Variants in RCN2 observed in about 807,000 individuals in gnomAD.
RCN2 encodes the protein reticulocalbin-2.
In RCN2, 23 loss-of-function variants were observed where a neutral mutation model predicts 37.5. The ratio of observed to expected loss-of-function variants is 0.61; its 90% CI spans 0.44 to 0.87. The LOEUF is 0.87. Among genes scored for constraint, RCN2 ranks in the 40% least tolerant of loss-of-function variants. The pLI, the probability that RCN2 is intolerant of heterozygous loss-of-function variation, is 0.00. For missense variants in RCN2, 381 were observed against 390.4 expected, an observed-to-expected ratio of 0.98 and a Z score of 0.20; for synonymous variants, 140 against 144.6, an observed-to-expected ratio of 0.97 and a Z score of 0.23.
intron 4 of RCN2, among the ~76,000 whole-genome samples, chr15:76,946,158 G>A (rs921721308): frequency 1.3e-5 from 2 of 152,182 alleles, no homozygotes; most frequent in African/African-American, 2.4e-5. Flanking sequence ...TTAAGGGAAG[G>A]CAAGAGTCAG....
intron 2 of RCN2, 74 bp downstream of exon 2, chr15:76,932,540 T>C (rs1032936265): frequency 3.0e-6 from 3 of 1,002,652 alleles, no homozygotes; most frequent in Non-Finnish European, 4.6e-6. Context: ...GCTGAATGTA[T>C]AGATTGCTAG....
chr15:76,944,482 T>G (rs894973997), intron 4 of RCN2, among the ~76,000 whole-genome samples: 2 of 151,868 alleles, frequency 1.3e-5, no homozygotes, highest in African/African-American at 2.4e-5. Flanking sequence ...ATTCTTACTG[T>G]TTTTTTTGTA....
Position 76,931,765 on chromosome 15 carries a change from G to C in RCN2, c.-77G>C. The C allele has an allele frequency of 9.0e-7, 1 of 1,113,282 alleles. No individual in the cohort carries two copies. The allele number at this position is 1,113,282 out of a possible 1,614,324, so 69.0% of individuals were successfully genotyped here. ...TCGCACCGCCTCTCTGTAGCCGCCC[G>C]CGGAGCATCGCAGCCGGCCCGGGCC... is the stretch of plus-strand genomic sequence containing the variant. On this transcript the variant is annotated 5_prime_UTR_variant, in exon 1 of 7. Transcript: ENST00000394885.
rs142859413 is a variant in RCN2 at position 76,943,811 on chromosome 15, C to T, written c.501C>T (p.Pro167=). 7.5e-6 allele frequency: 12 copies of T among 1,609,184 alleles called. No individual in the cohort carries two copies. The highest frequency in any genetic ancestry group is 1.7e-5 in the Admixed American group (1 of 59,922). ...RFEKANQDSG[P]GLSLEEFIAF... ...AAAAAGCTAACCAGGATTCAGGTCC[C>T]GGTTTGAGTCTTGAAGAATTTATTG... The change falls in exon 4 of 7, where the codon CCC becomes CCT. Residue 167 remains proline (P), a synonymous_variant. Coordinates refer to ENST00000394885, the MANE Select transcript of RCN2 (RefSeq NM_002902.3).
intron 3 of RCN2, among the ~76,000 whole-genome samples, chr15:76,936,821 AT>A (rs1440122948): frequency 6.6e-6 from 1 of 152,202 alleles, no homozygotes; most frequent in Non-Finnish European, 1.5e-5. Context: ...CATTGTAACC[AT>A]TTTAAAGTGT....
At chr15:76,936,187 A>C (rs1048176420) in intron 3 of RCN2, among the ~76,000 whole-genome samples, 1 of 152,176 alleles carries the variant, frequency 6.6e-6, no homozygotes, top group African/African-American at 2.4e-5. Context: ...TAAAAAAAAA[A>C]AAACTGTGTC....
intron 3 of RCN2, among the ~76,000 whole-genome samples, chr15:76,939,489 G>GT (rs1160488472): frequency 6.6e-6 from 1 of 152,066 alleles, no homozygotes; most frequent in African/African-American, 2.4e-5. Context: ...AGGGGAAAAT[G>GT]TATCTTTTGT....
rs2075221539 is a variant in RCN2, at chr15:76,931,772, A to C, written c.-70A>C. 2.6e-6 allele frequency: 3 copies of C among 1,140,588 alleles called. No individual in the cohort carries two copies. The highest frequency in any genetic ancestry group is 1.6e-5 in the African/African-American group (1 of 61,388). 70.7% of individuals were successfully genotyped at this position (1,140,588 alleles called of 1,614,324 possible). On this transcript the variant is annotated 5_prime_UTR_variant, in exon 1 of 7. Coordinates refer to ENST00000394885, the MANE Select transcript of RCN2 (RefSeq NM_002902.3). Reference sequence around the variant, plus strand: ...GCCTCTCTGTAGCCGCCCGCGGAGCATCGCAGCCGGCCCGGGCCCCCGCCA... The same window carrying C: ...GCCTCTCTGTAGCCGCCCGCGGAGCCTCGCAGCCGGCCCGGGCCCCCGCCA...
At chr15:76,947,859 A>G (rs760803148) in intron 5 of RCN2, 10 of 227,110 alleles carry the variant, frequency 4.4e-5, no homozygotes, top group Non-Finnish European at 7.6e-5. Context: ...AGATAGAAAC[A>G]TAAAACACTA....
intron 3 of RCN2, among the ~76,000 whole-genome samples, chr15:76,936,390 G>T (rs1035745073): frequency 6.6e-6 from 1 of 151,962 alleles, no homozygotes; most frequent in East Asian, 1.9e-4. Context: ...AGTGTGTGGC[G>T]GGGGGGTGGG....
intron 3 of RCN2, chr15:76,941,625 T>G (rs2075276807): frequency 6.9e-7 from 1 of 1,448,698 alleles, no homozygotes; most frequent in African/African-American, 1.4e-5. Flanking sequence ...ATCTTTTTTG[T>G]TATTTTTTTA....
chr15:76,935,716 T>C lies in RCN2; in HGVS notation c.441T>C (p.Phe147=), dbSNP rs1322564328. 1.2e-6 allele frequency: 2 copies of C among 1,609,600 alleles called. No individual in the cohort carries two copies. The highest frequency in any genetic ancestry group is 1.7e-6 in the Non-Finnish European group (2 of 1,177,786). The stretch of plus-strand genomic sequence containing the variant: ...TGGATGATGCAGAAGAGGAGTCCTT[T>C]AGGAAGGTGAGTTCATGTGCACAAG... ...TALDDAEEES[F]RKLHLKDKKR... is the part of the protein sequence containing the mutation. The change falls in exon 3 of 7, where the codon TTT becomes TTC. Residue 147 remains phenylalanine (F), a synonymous_variant. Transcript: ENST00000394885.
chr15:76,943,925 A>G, intron 4 of RCN2, 54 bp downstream of exon 4: 1 of 1,004,910 alleles, frequency 1.0e-6, no homozygotes, highest in Admixed American at 2.2e-5. Flanking sequence ...CTTTAAAAAA[A>G]TATATTTAAA....
At position 76,954,039 on chromosome 15, in the gene RCN2, G is replaced by GTTTTTTTTTTTTTTTTTTTTTTTTTT. The variant is rs60194309; in HGVS notation, c.*4830_*4831insTTTTTTTTTTTTTTTTTTTTTTTTTT. On this transcript the variant is annotated 3_prime_UTR_variant, in exon 7 of 7. Transcript: ENST00000394885. ...TCCTTACCAACACTTGCTATTTTCT[G>GTTTTTTTTTTTTTTTTTTTTTTTTTT]TTTTTTTTTTTTTCTTTTTTTTTTT... 3 of 131,000 alleles carry GTTTTTTTTTTTTTTTTTTTTTTTTTT rather than the reference G, an allele frequency of 2.3e-5. No individual in the cohort carries two copies. Among genetic ancestry groups the GTTTTTTTTTTTTTTTTTTTTTTTTTT allele is most frequent in the African/African-American group, 3.0e-5 (1 of 33,680 alleles). The allele number at this position is 131,000 out of a possible 1,614,324, so 8.1% of individuals were successfully genotyped here.
chr15:76,932,385 C>G lies in RCN2; in HGVS notation c.169C>G (p.Leu57Val). The G allele has an allele frequency of 6.2e-7, 1 of 1,613,866 alleles. No individual in the cohort carries two copies. Among genetic ancestry groups the G allele is most frequent in the Non-Finnish European group, 8.5e-7 (1 of 1,179,832 alleles). Residue 57 changes from leucine to valine, a missense_variant, in exon 2 of 7, where the codon CTC (leucine) becomes GTC (valine). Physicochemically the swap from Leu to Val is conservative, Grantham distance 32 (BLOSUM62 1). Coordinates refer to ENST00000394885, the MANE Select transcript of RCN2 (RefSeq NM_002902.3). Reference sequence around the variant, plus strand: ...GGAAGATGTGGATGAATATGTTAAACTCGGCCACGAAGAGCAGCAAAAAAG... The same window carrying G: ...GGAAGATGTGGATGAATATGTTAAAGTCGGCCACGAAGAGCAGCAAAAAAG... ...VQEDVDEYVK[L>V]GHEEQQKRLQ...
At chr15:76,932,202 A>G (rs1340086228) in intron 1 of RCN2, among the ~76,000 whole-genome samples, 159 bp from the exon 2 acceptor site, 1 of 152,072 alleles carries the variant, frequency 6.6e-6, no homozygotes, top group African/African-American at 2.4e-5. Flanking sequence ...TACCCCTCAG[A>G]TCATGGAGGG....
intron 3 of RCN2, among the ~76,000 whole-genome samples, chr15:76,936,117 G>A (rs778493597): frequency 1.3e-5 from 2 of 150,998 alleles, no homozygotes; most frequent in South Asian, 2.1e-4. Context: ...AAAAAACTGC[G>A]GTTTCCACAT....
At position 76,953,246 on chromosome 15, in the gene RCN2, G is replaced by T. The variant is rs2956877; in HGVS notation, c.*4024G>T. 0.94 allele frequency: 143,809 copies of T among 152,212 alleles called. 68,269 individuals are homozygous for T. The highest frequency in any genetic ancestry group is 1 in the East Asian group (5,175 of 5,176). The allele number at this position is 152,212 out of a possible 1,614,324, so 9.4% of individuals were successfully genotyped here. A position where few individuals can be genotyped will look rare whatever the true frequency, so the allele number is the denominator to read the frequency against. On this transcript the variant is annotated 3_prime_UTR_variant, in exon 7 of 7. Coordinates refer to ENST00000394885, the MANE Select transcript of RCN2 (RefSeq NM_002902.3). ...ACCGCGCCCAGCCCCATTCTAGTTT[G>T]TGTCTATTAAAATAGACTCATATAG... is the stretch of plus-strand genomic sequence containing the variant.
rs752482231 is a variant in RCN2, at chr15:76,932,374, AAT to A, written c.161_162del (p.Tyr54CysfsTer2). On this transcript the variant is annotated frameshift_variant, in exon 2 of 7. Coordinates refer to ENST00000394885, the MANE Select transcript of RCN2 (RefSeq NM_002902.3). LOFTEE classifies it high-confidence loss of function. ...TTCCCCCTAAAGGAAGATGTGGATG[AAT>A]ATGTTAAACTCGGCCACGAAGAGCA... is the stretch of plus-strand genomic sequence containing the variant. 5 of 1,613,576 alleles carry A rather than the reference AAT, an allele frequency of 3.1e-6. No homozygotes were observed. Among genetic ancestry groups the A allele is most frequent in the Non-Finnish European group, 4.2e-6 (5 of 1,179,546 alleles).
Sources: allele counts gnomAD v4.1 joint callset (sites outside exome capture counted in the v4.1 genomes callset), GRCh38; gene constraint gnomAD v4.1.1; transcripts MANE v1.5; gene names NCBI Gene and HGNC (gene_info 2026-07-23, HGNC 2026-07-21).